KMT2E: variants seen among roughly 807,000 people sequenced by gnomAD.
KMT2E encodes the protein histone reader KMT2E.
A neutral mutation model predicts 184.6 loss-of-function variants in KMT2E; 30 were observed. That is an observed-to-expected ratio of 0.16 (90% confidence interval 0.12 to 0.22). KMT2E has a LOEUF of 0.22. Among genes scored for constraint, KMT2E ranks in the 10% least tolerant of loss-of-function variants. The pLI is 1.00. For missense variants in KMT2E, 2,023 were observed against 2,237.4 expected (o/e 0.90, Z 1.93); for synonymous variants, 815 against 776.5 (o/e 1.05, Z -0.82).
At position 105,109,189 on chromosome 7, in the gene KMT2E, A is replaced by T; in HGVS notation, c.3716A>T (p.Asp1239Val). 1 of 1,614,072 alleles carries T rather than the reference A, an allele frequency of 6.2e-7. No homozygotes were observed. The highest frequency in any genetic ancestry group is 1.1e-5 in the South Asian group (1 of 91,080). ...EETSNNCPVK[D>V]ATASEKNEPE... is the part of the protein sequence containing the mutation. ...ACTAGCAATAACTGCCCTGTTAAGG[A>T]TGCTACTGCTAGTGAGAAGAATGAA... is the stretch of plus-strand genomic sequence containing the variant. Residue 1239 changes from aspartate to valine, a missense_variant, in exon 23 of 27, where the codon GAT (aspartate) becomes GTT (valine). By Grantham distance (152) the Asp-to-Val change is radical. This residue lies in a region of KMT2E where 1,108 missense variants were observed against 1,050.9 expected (regional missense o/e 1.05). Transcript: ENST00000311117.
rs35137472 is a variant in KMT2E at position 105,069,476 on chromosome 7, T to TC, written c.497+2675dup. ...GATTGTGTAAAACAGTTTAGAACTT[T>TC]CCCCCCATAGGGCATAGTGTACGAG... On this transcript the variant is annotated intron_variant, in intron 6 of 26. Coordinates refer to ENST00000311117, the MANE Select transcript of KMT2E (RefSeq NM_182931.3). Among the ~76,000 whole-genome samples, 978 of 152,308 alleles carry TC rather than the reference T, an allele frequency of 6.4e-3. 4 individuals are homozygous for TC. The highest frequency in any genetic ancestry group is 8.6e-3 in the African/African-American group (359 of 41,562).
chr7:105,035,007 C>G (rs980572181), intron 1 of KMT2E, among the ~76,000 whole-genome samples: 24 of 151,376 alleles, frequency 1.6e-4, no homozygotes, highest in Non-Finnish European at 2.1e-4. Context: ...AGGTGCCCAC[C>G]ACCACACCTG....
At position 105,110,483 on chromosome 7, in the gene KMT2E, A is replaced by C; in HGVS notation, c.3851A>C (p.Glu1284Ala). ...TGCTCTGCTTCATCTCTAGGGGGAG[A>C]ATCACCATGTGTCTCATGTTCACCG... ...DHRKDKDSGG[E>A]SPCVSCSPSH... is the part of the protein sequence containing the mutation. The change falls in exon 25 of 27, where the codon GAA becomes GCA. Residue 1284 changes from glutamate (E) to alanine (A), a missense_variant. By Grantham distance (107) the Glu-to-Ala change is moderately radical (BLOSUM62 -1). Around this residue, in one of 8 missense-constraint regions of KMT2E, gnomAD observed 1,108 missense variants for 1,050.9 expected, o/e 1.05. Transcript: ENST00000311117. 6.2e-7 allele frequency: 1 copy of C among 1,614,104 alleles called. No homozygotes were observed. The highest frequency in any genetic ancestry group is 8.5e-7 in the Non-Finnish European group (1 of 1,179,998).
intron 3 of KMT2E, among the ~76,000 whole-genome samples, chr7:105,052,063 C>G (rs772125024): frequency 2.0e-5 from 3 of 152,170 alleles, no homozygotes; most frequent in East Asian, 1.9e-4. Flanking sequence ...TAAACCAGAT[C>G]ATACAATTCT....
intron 6 of KMT2E, among the ~76,000 whole-genome samples, chr7:105,071,336 G>A (rs547497903): frequency 6.6e-6 from 1 of 151,464 alleles, no homozygotes; most frequent in Admixed American, 6.6e-5. Flanking sequence ...TTTCCTTCCA[G>A]CAGGAGCTGT....
At chr7:105,060,401 C>CT (rs1212732425) in intron 3 of KMT2E, among the ~76,000 whole-genome samples, 6 of 151,858 alleles carry the variant, frequency 4.0e-5, no homozygotes, top group African/African-American at 1.4e-4. Flanking sequence ...CATTTTTTAT[C>CT]TTTTTTATTG....
At chr7:105,064,930 T>C (rs1796968517) in intron 5 of KMT2E, among the ~76,000 whole-genome samples, 1 of 152,154 alleles carries the variant, frequency 6.6e-6, no homozygotes, top group Admixed American at 6.5e-5. Flanking sequence ...ATCTTAGCAG[T>C]GTTCTTCTTT....
At chr7:105,036,062 C>T (rs1275712107) in intron 1 of KMT2E, among the ~76,000 whole-genome samples, 1 of 151,976 alleles carries the variant, frequency 6.6e-6, no homozygotes, top group Non-Finnish European at 1.5e-5. Context: ...ATTTAATTTC[C>T]CTTTTTGAGA....
intron 1 of KMT2E, 71 bp downstream of exon 1, chr7:105,014,606 G>A (rs1281774759): frequency 6.6e-6 from 1 of 152,190 alleles, no homozygotes; most frequent in Admixed American, 6.5e-5. Flanking sequence ...TCAAGGGGGA[G>A]GGAGGTCTCT....
In KMT2E at chr7:105,106,641, A is replaced by G. The variant is rs1798910177; in HGVS notation, c.2716A>G (p.Met906Val). The G allele has an allele frequency of 3.7e-6, 6 of 1,614,132 alleles. No homozygotes were observed. Among genetic ancestry groups the G allele is most frequent in the South Asian group, 3.3e-5 (3 of 91,082 alleles). Residue 906 changes from methionine to valine, a missense_variant, in exon 20 of 27, where the codon ATG becomes GTG. Around this residue, in one of 8 missense-constraint regions of KMT2E, gnomAD observed 514 missense variants for 621.8 expected, o/e 0.83. Coordinates refer to ENST00000311117, the MANE Select transcript of KMT2E (RefSeq NM_182931.3). The stretch of plus-strand genomic sequence containing the variant: ...ACCAACTCACACCGATATTACTCCT[A>G]TGGACCCATCTTTTGCCACGCCTCC... ...ATPTHTDITP[M>V]DPSFATPPRI...
In KMT2E at chr7:105,059,978, G is replaced by GTTTTTTTTTTTTTTTTTTTTTTT. The variant is rs67291226; in HGVS notation, c.72-2175_72-2153dup. Among the ~76,000 whole-genome samples the GTTTTTTTTTTTTTTTTTTTTTTT allele has an allele frequency of 1.2e-4, 6 of 51,762 alleles. 2 individuals are homozygous for GTTTTTTTTTTTTTTTTTTTTTTT. The highest frequency in any genetic ancestry group is 2.3e-4 in the African/African-American group (4 of 17,164). 34.0% of individuals were successfully genotyped at this position (51,762 alleles called of 152,430 possible). A position where few individuals can be genotyped will look rare whatever the true frequency, so the allele number is the denominator to read the frequency against. The stretch of plus-strand genomic sequence containing the variant: ...GCTGAATATTGATTTTCTTGTTGTT[G>GTTTTTTTTTTTTTTTTTTTTTTT]TTTTTTTTTTTTTTTTTTTTTTTTT... On this transcript the variant is annotated intron_variant, in intron 3 of 26. Coordinates refer to ENST00000311117, the MANE Select transcript of KMT2E (RefSeq NM_182931.3).
At chr7:105,067,512 C>T (rs528126651) in intron 6 of KMT2E, among the ~76,000 whole-genome samples, 12 of 152,194 alleles carry the variant, frequency 7.9e-5, no homozygotes, top group African/African-American at 2.4e-4. Flanking sequence ...CAGTAATTAT[C>T]GACATTCTTG....
chr7:105,036,186 TG>T lies in KMT2E; in HGVS notation c.-188-1939del, dbSNP rs140508415. On this transcript the variant is annotated intron_variant, in intron 1 of 26. Transcript: ENST00000311117. Reference sequence around the variant, plus strand: ...TTGTTGTTCTTTTGGTTTTTTTTTTTGTTTTTTTTTTTGGCAGAGTCTGTCA... The same window carrying T: ...TTGTTGTTCTTTTGGTTTTTTTTTTTTTTTTTTTTTTGGCAGAGTCTGTCA... 2.1e-3 allele frequency among the ~76,000 whole-genome samples: 322 copies of T among 150,934 alleles called. 9 individuals carry two copies. The East Asian group carries it at 0.045, about 21-fold the overall frequency.
At position 105,107,121 on chromosome 7, in the gene KMT2E, T is replaced by TA. The variant is rs747811603; in HGVS notation, c.2848-44dup. ...TTTCTATAATTATTATGGATATACT[T>TA]ACGTATTTTTAAATTTTCAATTCTA... On this transcript the variant is annotated intron_variant, in intron 20 of 26. Coordinates refer to ENST00000311117, the MANE Select transcript of KMT2E (RefSeq NM_182931.3). 22 of 990,312 alleles carry TA rather than the reference T, an allele frequency of 2.2e-5. No individual in the cohort carries two copies. In the African/African-American group the frequency reaches 3.3e-4, roughly 15 times the overall value. 61.3% of individuals were successfully genotyped at this position (990,312 alleles called of 1,614,324 possible).
intron 15 of KMT2E, among the ~76,000 whole-genome samples, chr7:105,099,736 G>C (rs916142374): frequency 2.0e-5 from 3 of 151,988 alleles, no homozygotes; most frequent in African/African-American, 4.8e-5. Flanking sequence ...AGACAAGTTT[G>C]TTTCTTCTGG....
At chr7:105,067,629 G>T (rs573105332) in intron 6 of KMT2E, among the ~76,000 whole-genome samples, 3 of 152,056 alleles carry the variant, frequency 2.0e-5, no homozygotes, top group Non-Finnish European at 4.4e-5. Context: ...ATATGTATTT[G>T]TGTGTATATA....
At chr7:105,035,537 G>C (rs751429010) in intron 1 of KMT2E, among the ~76,000 whole-genome samples, 7 of 151,314 alleles carry the variant, frequency 4.6e-5, no homozygotes, top group Non-Finnish European at 7.4e-5. Flanking sequence ...TGCCTGTATT[G>C]ATAGTTTGTT....
At chr7:105,071,835 G>A (rs1427572466) in intron 6 of KMT2E, among the ~76,000 whole-genome samples, 4 of 151,320 alleles carry the variant, frequency 2.6e-5, no homozygotes. Context: ...TGACAGACTT[G>A]CATTTTTGCC....
intron 6 of KMT2E, among the ~76,000 whole-genome samples, chr7:105,070,142 A>G (rs1357265628): frequency 6.6e-6 from 1 of 151,712 alleles, no homozygotes; most frequent in Non-Finnish European, 1.5e-5. Flanking sequence ...TTCTGTGAAC[A>G]TTTGTTTACA....
Sources: allele counts gnomAD v4.1 joint callset (sites outside exome capture counted in the v4.1 genomes callset), GRCh38; gene constraint gnomAD v4.1.1; regional missense constraint gnomAD v4.1.1; transcripts MANE v1.5; gene names NCBI Gene and HGNC (gene_info 2026-07-23, HGNC 2026-07-21).